The following KCND2 variants were observed in gnomAD, a reference collection of about 807,000 sequenced individuals.
KCND2 encodes potassium voltage-gated channel subfamily D member 2.
A neutral mutation model predicts 54.4 loss-of-function variants in KCND2; 16 were observed. That is an observed-to-expected ratio of 0.29 (90% CI 0.20 to 0.45). KCND2 has a LOEUF of 0.45. KCND2 is among the 20% of genes least tolerant of loss of function. The pLI is 1.00. For missense variants in KCND2, 486 were observed against 824.2 expected, an observed-to-expected ratio of 0.59 and a Z score of 5.02; for synonymous variants, 317 against 310.7, an observed-to-expected ratio of 1.02 and a Z score of -0.21.
intron 1 of KCND2, among the ~76,000 whole-genome samples, chr7:120,322,594 T>C (rs1245499078): frequency 1.3e-5 from 2 of 152,210 alleles, no homozygotes; most frequent in African/African-American, 2.4e-5. Flanking sequence ...TGAGATGTTA[T>C]GCATATTTCA....
At chr7:120,491,731 A>T (rs997220178) in intron 1 of KCND2, among the ~76,000 whole-genome samples, 2 of 152,114 alleles carry the variant, frequency 1.3e-5, no homozygotes, top group African/African-American at 4.8e-5. Flanking sequence ...TTTTATTTCA[A>T]TCTTAATTCA....
intron 1 of KCND2, among the ~76,000 whole-genome samples, chr7:120,569,651 A>G (rs562434114): frequency 2.1e-4 from 32 of 152,268 alleles, no homozygotes; most frequent in Non-Finnish European, 4.1e-4. Flanking sequence ...AACTTTCTTT[A>G]TGTTTTCCAA....
chr7:120,707,900 A>G (rs1792489821), intron 1 of KCND2, among the ~76,000 whole-genome samples: 2 of 152,144 alleles, frequency 1.3e-5, no homozygotes, highest in Non-Finnish European at 2.9e-5. Context: ...TCCATTTGCT[A>G]GCCTTTCCTG....
intron 1 of KCND2, among the ~76,000 whole-genome samples, chr7:120,376,836 T>C (rs1800840859): frequency 6.6e-6 from 1 of 151,962 alleles, no homozygotes; most frequent in Non-Finnish European, 1.5e-5. Flanking sequence ...ATTGTGTTCT[T>C]TAAAGCATTC....
chr7:120,541,169 G>GC (rs1562868190), intron 1 of KCND2, among the ~76,000 whole-genome samples: 1 of 152,058 alleles, frequency 6.6e-6, no homozygotes, highest in Admixed American at 6.6e-5. Flanking sequence ...TCATGAAAGT[G>GC]CCCATTGGGT....
At chr7:120,593,314 C>A (rs950044799) in intron 1 of KCND2, among the ~76,000 whole-genome samples, 1 of 151,802 alleles carries the variant, frequency 6.6e-6, no homozygotes, top group Non-Finnish European at 1.5e-5. Flanking sequence ...GGTAGAACAA[C>A]CTCCTGATTG....
At chr7:120,739,729 A>C (rs556722878) in intron 2 of KCND2, among the ~76,000 whole-genome samples, 2 of 151,920 alleles carry the variant, frequency 1.3e-5, no homozygotes, top group East Asian at 3.9e-4. Context: ...GCTACTCTCA[A>C]ATGATATGTG....
chr7:120,396,717 T>C (rs1801160506), intron 1 of KCND2, among the ~76,000 whole-genome samples: 1 of 152,048 alleles, frequency 6.6e-6, no homozygotes, highest in Non-Finnish European at 1.5e-5. Flanking sequence ...GAATGATTTC[T>C]GTGTGTTTAA....
chr7:120,556,525 A>G (rs1792168645), intron 1 of KCND2, among the ~76,000 whole-genome samples: 1 of 152,200 alleles, frequency 6.6e-6, no homozygotes, highest in Non-Finnish European at 1.5e-5. Context: ...AGATAGATAG[A>G]TTACTAGCCA....
chr7:120,634,735 C>A (rs1230651590), intron 1 of KCND2, among the ~76,000 whole-genome samples: 2 of 152,190 alleles, frequency 1.3e-5, no homozygotes, highest in Non-Finnish European at 2.9e-5. Context: ...CCATGTTATT[C>A]TTCTTTCTAA....
intron 1 of KCND2, among the ~76,000 whole-genome samples, chr7:120,494,737 G>C (rs897816718): frequency 1.3e-5 from 2 of 152,116 alleles, no homozygotes; most frequent in African/African-American, 4.8e-5. Flanking sequence ...TGTGTGCATG[G>C]CATACTATTT....
chr7:120,369,510 G>A (rs944075622), intron 1 of KCND2, among the ~76,000 whole-genome samples: 1 of 152,018 alleles, frequency 6.6e-6, no homozygotes, highest in African/African-American at 2.4e-5. Context: ...CAGTCTCAGG[G>A]CTTCTGAGGG....
At chr7:120,648,959 C>T (rs1393989611) in intron 1 of KCND2, among the ~76,000 whole-genome samples, 1 of 152,004 alleles carries the variant, frequency 6.6e-6, no homozygotes, top group East Asian at 1.9e-4. Flanking sequence ...ATTAATAAGC[C>T]ATTGAATCAC....
intron 1 of KCND2, among the ~76,000 whole-genome samples, chr7:120,667,593 C>A (rs1791944230): frequency 6.6e-6 from 1 of 151,906 alleles, no homozygotes; most frequent in Non-Finnish European, 1.5e-5. Context: ...AGCCCCCAGC[C>A]CCATATTCCA....
chr7:120,337,266 CA>C (rs1800165236), intron 1 of KCND2, among the ~76,000 whole-genome samples: 1 of 152,032 alleles, frequency 6.6e-6, no homozygotes, highest in African/African-American at 2.4e-5. Context: ...TAATTTAACA[CA>C]TTCAGTATAT....
intron 1 of KCND2, among the ~76,000 whole-genome samples, chr7:120,480,181 G>T (rs531500868): frequency 6.6e-6 from 1 of 151,904 alleles, no homozygotes; most frequent in East Asian, 1.9e-4. Context: ...TAAAATGTAG[G>T]CTAGAGATTT....
intron 2 of KCND2, among the ~76,000 whole-genome samples, chr7:120,736,049 A>G (rs1371324525): frequency 6.6e-6 from 1 of 152,098 alleles, no homozygotes; most frequent in Non-Finnish European, 1.5e-5. Context: ...CAGTCAAGCA[A>G]GCATTCAATT....
intron 1 of KCND2, among the ~76,000 whole-genome samples, chr7:120,513,728 A>T (rs1803155272): frequency 6.6e-6 from 1 of 151,856 alleles, no homozygotes; most frequent in Non-Finnish European, 1.5e-5. Flanking sequence ...TAATTGTCAA[A>T]TTTTTGTTTT....
At chr7:120,601,490 G>T (rs890595339) in intron 1 of KCND2, among the ~76,000 whole-genome samples, 2 of 152,092 alleles carry the variant, frequency 1.3e-5, no homozygotes, top group Non-Finnish European at 2.9e-5. Context: ...GCTAAGGAAA[G>T]CAGTTTTGAA....
Sources: gnomAD v4.1 joint callset for allele counts (sites outside exome capture counted in the v4.1 genomes callset) on GRCh38, gnomAD v4.1.1 for gene constraint, MANE v1.5 for transcripts, NCBI Gene and HGNC (gene_info 2026-07-23, HGNC 2026-07-21) for gene names.